Variants in NFIA observed in about 807,000 individuals in gnomAD.
NFIA encodes the protein nuclear factor I A.
NFIA carries 8 observed loss-of-function variants against 62.8 expected under a neutral mutation model. That is an observed-to-expected ratio of 0.13 (90% confidence interval 0.07 to 0.23). The LOEUF is 0.23. Among genes scored for constraint, NFIA ranks in the 10% least tolerant of loss-of-function variants. The pLI, the probability that NFIA is intolerant of heterozygous loss-of-function variation, is 1.00. For missense variants in NFIA, 410 were observed against 642.1 expected (o/e 0.64, Z 3.91); for synonymous variants, 235 against 238.1 (o/e 0.99, Z 0.12).
chr1:61,410,354 A>C lies in NFIA; in HGVS notation c.1420+3627A>C, dbSNP rs56383574. 4.3e-3 allele frequency among the ~76,000 whole-genome samples: 655 copies of C among 152,314 alleles called. 1 individual carries two copies. Among genetic ancestry groups the C allele is most frequent in the Middle Eastern group, 0.01 (3 of 294 alleles). The stretch of plus-strand genomic sequence containing the variant: ...CTAGATAAAAATGTAGGGCAAAACT[A>C]TAGTTTCAGAAATCAGGTGCTTTCT... On this transcript the variant is annotated intron_variant, in intron 9 of 10. Transcript: ENST00000403491.
chr1:61,202,973 A>C (rs1436009546), intron 2 of NFIA, among the ~76,000 whole-genome samples: 4 of 152,216 alleles, frequency 2.6e-5, no homozygotes, highest in Non-Finnish European at 4.4e-5. Context: ...AAACAACAAA[A>C]ACTGGTCATC....
chr1:61,264,878 G>A (rs1452437593), intron 2 of NFIA, among the ~76,000 whole-genome samples: 3 of 152,146 alleles, frequency 2.0e-5, no homozygotes, highest in Admixed American at 6.5e-5. Flanking sequence ...GTAAATGACA[G>A]ATGGAATGAA....
At chr1:61,095,231 G>A (rs545715582) in intron 2 of NFIA, among the ~76,000 whole-genome samples, 18 of 152,318 alleles carry the variant, frequency 1.2e-4, no homozygotes, top group Non-Finnish European at 8.8e-5. Flanking sequence ...AGGAAGGAAA[G>A]GAAATAACTT....
At chr1:61,091,724 C>G (rs763888899) in intron 2 of NFIA, among the ~76,000 whole-genome samples, 2 of 152,100 alleles carry the variant, frequency 1.3e-5, no homozygotes, top group Non-Finnish European at 2.9e-5. Context: ...ATACCCGGCA[C>G]GTGGCAAGGT....
At chr1:61,421,659 G>C (rs1666627026) in intron 9 of NFIA, among the ~76,000 whole-genome samples, 2 of 152,254 alleles carry the variant, frequency 1.3e-5, no homozygotes, top group East Asian at 3.9e-4. Flanking sequence ...CAGAGGAGCT[G>C]GCTGTCACTC....
At chr1:61,392,928 C>T (rs368189367) in intron 7 of NFIA, among the ~76,000 whole-genome samples, 14 of 152,260 alleles carry the variant, frequency 9.2e-5, no homozygotes, top group African/African-American at 3.4e-4. Context: ...CACACGCAGG[C>T]CTATGTGTCC....
intron 2 of NFIA, among the ~76,000 whole-genome samples, chr1:61,160,571 C>T (rs1269067556): frequency 1.3e-5 from 2 of 152,184 alleles, no homozygotes; most frequent in Non-Finnish European, 1.5e-5. Flanking sequence ...GATTGTATTG[C>T]ATTGAGCATG....
chr1:61,161,748 C>T (rs75051289), intron 2 of NFIA, among the ~76,000 whole-genome samples: 3,946 of 152,054 alleles, frequency 0.026, 103 homozygotes, highest in East Asian at 0.14. Flanking sequence ...TTTATATATA[C>T]ACACACACAC....
At chr1:61,221,717 C>G (rs1435759845) in intron 2 of NFIA, among the ~76,000 whole-genome samples, 1 of 152,016 alleles carries the variant, frequency 6.6e-6, no homozygotes. Flanking sequence ...CTTGATTATT[C>G]TTTTCTCAAT....
Position 61,163,621 on chromosome 1 carries a change from G to T in NFIA, c.559+74941G>T, listed in dbSNP as rs1484270319. Among the ~76,000 whole-genome samples, 4 of 152,068 alleles carry T rather than the reference G, an allele frequency of 2.6e-5. No individual in the cohort carries two copies. The East Asian group carries it at 7.7e-4, about 29-fold the overall frequency. On this transcript the variant is annotated intron_variant, in intron 2 of 10. Coordinates refer to ENST00000403491, the MANE Select transcript of NFIA (RefSeq NM_001134673.4). ...GTGGTGTGCTATGGAAGCGAAATTG[G>T]TGTGCCTGTTGAAAAAGTTAGTAGT...
intron 2 of NFIA, among the ~76,000 whole-genome samples, chr1:61,143,530 C>T (rs1474486506): frequency 6.6e-6 from 1 of 152,140 alleles, no homozygotes; most frequent in Non-Finnish European, 1.5e-5. Context: ...ACTGGGGCTA[C>T]AGGTGTCTGC....
intron 2 of NFIA, among the ~76,000 whole-genome samples, chr1:61,111,643 T>C (rs1646695375): frequency 6.6e-6 from 1 of 152,138 alleles, no homozygotes; most frequent in African/African-American, 2.4e-5. Context: ...TGAACCCTGG[T>C]GTAGATGTTC....
At chr1:61,116,245 G>A (rs530195320) in intron 2 of NFIA, among the ~76,000 whole-genome samples, 4 of 152,264 alleles carry the variant, frequency 2.6e-5, no homozygotes, top group Non-Finnish European at 5.9e-5. Flanking sequence ...TGTATACAGT[G>A]AAAATGAGAC....
At chr1:61,169,915 C>T (rs1048310956) in intron 2 of NFIA, among the ~76,000 whole-genome samples, 10 of 152,110 alleles carry the variant, frequency 6.6e-5, no homozygotes, top group African/African-American at 2.4e-4. Context: ...TTTTAGCTTT[C>T]TTCTTTGGTA....
intron 7 of NFIA, among the ~76,000 whole-genome samples, chr1:61,388,452 T>TA (rs1334893905): frequency 3.2e-4 from 48 of 152,344 alleles, no homozygotes; most frequent in Middle Eastern, 3.4e-3. Context: ...TCTAACTTGT[T>TA]AGAGAATTAT....
chr1:61,176,833 G>A (rs750799899), intron 2 of NFIA, among the ~76,000 whole-genome samples: 32 of 151,956 alleles, frequency 2.1e-4, no homozygotes, highest in Non-Finnish European at 4.1e-4. Flanking sequence ...GGCTGGGCGC[G>A]GTGGCTCATA....
Position 61,232,763 on chromosome 1 carries a change from T to G in NFIA, c.560-44757T>G, listed in dbSNP as rs1233253128. Among the ~76,000 whole-genome samples the G allele has an allele frequency of 2.0e-5, 3 of 152,302 alleles. No homozygotes were observed. In the East Asian group the frequency reaches 5.8e-4, roughly 29 times the overall value. On this transcript the variant is annotated intron_variant, in intron 2 of 10. Transcript: ENST00000403491. ...TTTTTCCTGCTCTAAGTATAAACAC[T>G]TTCTACTTTCTTCCCTTTTTATGTA...
At chr1:61,331,162 T>C (rs573889136) in intron 3 of NFIA, among the ~76,000 whole-genome samples, 32 of 152,322 alleles carry the variant, frequency 2.1e-4, no homozygotes, top group Non-Finnish European at 4.4e-4. Flanking sequence ...CAAAAAGCCA[T>C]TTACAATTAT....
At chr1:61,199,938 T>G (rs12121295) in intron 2 of NFIA, among the ~76,000 whole-genome samples, 43,125 of 145,798 alleles carry the variant, frequency 0.3, 7,152 homozygotes, top group East Asian at 0.53. Context: ...GAGGCTGCAG[T>G]TAGCTGAAAT....
Sources: allele counts gnomAD v4.1 joint callset (sites outside exome capture counted in the v4.1 genomes callset), GRCh38; gene constraint gnomAD v4.1.1; transcripts MANE v1.5; gene names NCBI Gene and HGNC (gene_info 2026-07-23, HGNC 2026-07-21).